Variants in MACROD2 observed in about 807,000 individuals in gnomAD.
The protein encoded by MACROD2 is mono-ADP ribosylhydrolase 2, also known as ADP-ribose glycohydrolase MACROD2.
A neutral mutation model predicts 70.4 loss-of-function variants in MACROD2; 36 were observed. The ratio of observed to expected loss-of-function variants is 0.51; its 90% confidence interval spans 0.39 to 0.68. MACROD2 has a LOEUF of 0.68. MACROD2 is among the 30% of genes least tolerant of loss of function. The pLI is 0.00. For synonymous variants in MACROD2, 172 were observed against 178.8 expected, an observed-to-expected ratio of 0.96 and a Z score of 0.30; for missense variants, 496 against 538.4, an observed-to-expected ratio of 0.92 and a Z score of 0.78.
chr20:15,247,961 G>A (rs1169759067), intron 6 of MACROD2, among the ~76,000 whole-genome samples: 1 of 152,178 alleles, frequency 6.6e-6, no homozygotes, highest in African/African-American at 2.4e-5. Flanking sequence ...GCTTCCCAAA[G>A]TGCTGGGATT....
At chr20:15,908,973 C>T (rs2065191518) in intron 10 of MACROD2, among the ~76,000 whole-genome samples, 1 of 152,230 alleles carries the variant, frequency 6.6e-6, no homozygotes, top group Non-Finnish European at 1.5e-5. Flanking sequence ...AACTTGTTGG[C>T]TTAAAATAAT....
chr20:16,012,555 T>C (rs929958487), intron 15 of MACROD2, among the ~76,000 whole-genome samples: 1 of 152,240 alleles, frequency 6.6e-6, no homozygotes, highest in Non-Finnish European at 1.5e-5. Flanking sequence ...GACGTTGGCC[T>C]TTCCCGCTTC....
chr20:16,028,019 T>C lies in MACROD2; in HGVS notation c.1154-13182T>C, dbSNP rs73898332. 6.4e-3 allele frequency among the ~76,000 whole-genome samples: 978 copies of C among 152,278 alleles called. 13 individuals are homozygous for C. The highest frequency in any genetic ancestry group is 0.023 in the African/African-American group (946 of 41,546). On this transcript the variant is annotated intron_variant, in intron 15 of 17. Transcript: ENST00000684519. ...GAAAAGGGAAAGAAAAAGCCAGACA[T>C]GTGGAATGTGATCAGAATGCAGCTC...
chr20:15,048,772 A>C (rs1264749879), intron 5 of MACROD2, among the ~76,000 whole-genome samples: 3 of 152,188 alleles, frequency 2.0e-5, no homozygotes, highest in African/African-American at 4.8e-5. Flanking sequence ...TAAATGTATA[A>C]GAAAAATCTT....
chr20:15,077,159 G>A (rs1017463063), intron 5 of MACROD2, among the ~76,000 whole-genome samples: 13 of 152,106 alleles, frequency 8.5e-5, no homozygotes, highest in Admixed American at 2.0e-4. Context: ...TAGTTGAAAG[G>A]TTAACAAAGG....
At chr20:15,356,592 T>C (rs1205947387) in intron 6 of MACROD2, among the ~76,000 whole-genome samples, 3 of 145,446 alleles carry the variant, frequency 2.1e-5, no homozygotes, top group Non-Finnish European at 3.1e-5. Context: ...GAGACCAGCC[T>C]GACCAATATG....
chr20:14,634,414 GT>G (rs1241907120), intron 4 of MACROD2, among the ~76,000 whole-genome samples: 1 of 152,166 alleles, frequency 6.6e-6, no homozygotes, highest in African/African-American at 2.4e-5. Context: ...GTAATTTGCT[GT>G]TTTCACATCG....
intron 4 of MACROD2, among the ~76,000 whole-genome samples, chr20:14,509,141 T>C (rs947978852): frequency 6.6e-6 from 1 of 152,102 alleles, no homozygotes; most frequent in Admixed American, 6.5e-5. Context: ...AAAAGAACCA[T>C]AAGCTATTGT....
chr20:14,823,737 G>A (rs1325933255), intron 5 of MACROD2, among the ~76,000 whole-genome samples: 1 of 152,078 alleles, frequency 6.6e-6, no homozygotes, highest in Non-Finnish European at 1.5e-5. Flanking sequence ...GTAGTTGGGT[G>A]TAATACCATC....
intron 3 of MACROD2, among the ~76,000 whole-genome samples, chr20:14,446,850 C>G (rs2084188372): frequency 1.3e-5 from 2 of 151,990 alleles, no homozygotes; most frequent in Admixed American, 1.3e-4. Context: ...AGTCTATAAA[C>G]TATTATAATA....
intron 5 of MACROD2, among the ~76,000 whole-genome samples, chr20:15,014,281 C>G (rs190709243): frequency 3.3e-5 from 5 of 152,180 alleles, no homozygotes; most frequent in African/African-American, 7.2e-5. Context: ...ATTTCCCATC[C>G]CATTTCAAAT....
chr20:15,480,415 C>T (rs969784209), intron 7 of MACROD2, among the ~76,000 whole-genome samples: 3 of 152,078 alleles, frequency 2.0e-5, no homozygotes, highest in African/African-American at 7.2e-5. Context: ...CTATGTGTGC[C>T]CCTATTTTAG....
At chr20:15,820,813 A>T (rs1021648124) in intron 8 of MACROD2, among the ~76,000 whole-genome samples, 1 of 152,182 alleles carries the variant, frequency 6.6e-6, no homozygotes, top group African/African-American at 2.4e-5. Flanking sequence ...CTTTATTAAT[A>T]TGTATTTGGT....
intron 8 of MACROD2, among the ~76,000 whole-genome samples, chr20:15,702,012 T>C (rs1227696746): frequency 6.6e-6 from 1 of 152,234 alleles, no homozygotes. Context: ...TTTTTATGGC[T>C]ATGTAGTATT....
intron 5 of MACROD2, among the ~76,000 whole-genome samples, chr20:14,735,496 T>C (rs2071652865): frequency 6.6e-6 from 1 of 151,978 alleles, no homozygotes; most frequent in Non-Finnish European, 1.5e-5. Context: ...GTAACAAGTG[T>C]TGGTGAGAAT....
At chr20:14,073,163 C>G (rs1331168147) in intron 2 of MACROD2, among the ~76,000 whole-genome samples, 1 of 151,840 alleles carries the variant, frequency 6.6e-6, no homozygotes, top group African/African-American at 2.4e-5. Flanking sequence ...TGGTGAAACC[C>G]CATCTCTACT....
chr20:15,631,291 C>T (rs1189073119), intron 8 of MACROD2, among the ~76,000 whole-genome samples: 2 of 152,156 alleles, frequency 1.3e-5, no homozygotes, highest in South Asian at 2.1e-4. Context: ...TTCCACTGGA[C>T]TAATGAATAT....
At chr20:15,223,501 G>A (rs938811028) in intron 5 of MACROD2, among the ~76,000 whole-genome samples, 1 of 151,960 alleles carries the variant, frequency 6.6e-6, no homozygotes, top group Non-Finnish European at 1.5e-5. Context: ...TTCTATCTAG[G>A]GGCTACAATT....
intron 3 of MACROD2, among the ~76,000 whole-genome samples, chr20:14,255,604 G>A (rs997384462): frequency 6.6e-6 from 1 of 151,638 alleles, no homozygotes; most frequent in Non-Finnish European, 1.5e-5. Context: ...GTTAATGGGT[G>A]CAACACACCA....
Sources: gnomAD v4.1 joint callset for allele counts (sites outside exome capture counted in the v4.1 genomes callset) on GRCh38, gnomAD v4.1.1 for gene constraint, MANE v1.5 for transcripts, NCBI Gene and HGNC (gene_info 2026-07-23, HGNC 2026-07-21) for gene names.